PDE8B: variants seen among roughly 807,000 people sequenced by gnomAD.
The protein encoded by PDE8B is phosphodiesterase 8B.
Under a neutral mutation model 101.3 loss-of-function variants are expected in PDE8B, and 26 were observed. That is an observed-to-expected ratio of 0.26 (90% confidence interval 0.19 to 0.36). The LOEUF (loss-of-function observed/expected upper bound fraction) is 0.36, where lower values mean the gene tolerates loss of function less well. PDE8B is among the 10% of genes least tolerant of loss of function. The pLI is 1.00. For missense variants in PDE8B, 810 were observed against 1,163.1 expected (o/e 0.70, Z 4.42); for synonymous variants, 424 against 429.3 (o/e 0.99, Z 0.15).
At chr5:77,203,764 T>G in the PDE8B span, among the ~76,000 whole-genome samples, 8 of 152,298 alleles carry the variant, frequency 5.3e-5, no homozygotes, top group African/African-American at 1.9e-4. Context: ...TCTCAGTGCT[T>G]AGTTAGCATG....
At chr5:77,198,589 G>A in the PDE8B span, among the ~76,000 whole-genome samples, 3 of 152,098 alleles carry the variant, frequency 2.0e-5, no homozygotes, top group Non-Finnish European at 4.4e-5. Flanking sequence ...GAAAGCTGGG[G>A]TAGTCATATT....
intron 1 of PDE8B, among the ~76,000 whole-genome samples, chr5:77,262,518 G>A (rs1760830858): frequency 6.6e-6 from 1 of 152,168 alleles, no homozygotes; most frequent in African/African-American, 2.4e-5. Flanking sequence ...ACATACTGCT[G>A]TCACAAAAAT....
the PDE8B span, chr5:77,141,283 A>C: frequency 3.3e-5 from 5 of 152,368 alleles, no homozygotes; most frequent in East Asian, 9.6e-4. Context: ...TACTATAAAC[A>C]AGGTAGATTT....
the PDE8B span, among the ~76,000 whole-genome samples, chr5:77,129,140 T>C: frequency 6.6e-6 from 1 of 152,118 alleles, no homozygotes; most frequent in Non-Finnish European, 1.5e-5. Flanking sequence ...CCAACTAGTT[T>C]AGTAGTGAAA....
At chr5:77,191,219 A>G in the PDE8B span, among the ~76,000 whole-genome samples, 94 of 145,290 alleles carry the variant, frequency 6.5e-4, no homozygotes, top group African/African-American at 2.2e-3. Flanking sequence ...CCTATCTTCA[A>G]ATATAGTCAT....
intron 1 of PDE8B, among the ~76,000 whole-genome samples, chr5:77,270,670 G>A (rs937776560): frequency 1.3e-5 from 2 of 152,212 alleles, no homozygotes; most frequent in Non-Finnish European, 2.9e-5. Context: ...ACAGAAGATA[G>A]TGATTTTTCC....
At chr5:77,210,181 C>A (rs1174653568), upstream of PDE8B, among the ~76,000 whole-genome samples, 1 of 152,180 alleles carries the variant, frequency 6.6e-6, no homozygotes, top group Non-Finnish European at 1.5e-5. This position sits in a 1 kb window ranked among gnomAD's most constrained non-coding sequence, Gnocchi z 4.9. Context: ...CTTACACAGC[C>A]CTTCAGGGGA....
At chr5:77,351,982 C>T (rs1781219451) in intron 9 of PDE8B, among the ~76,000 whole-genome samples, 12 of 152,200 alleles carry the variant, frequency 7.9e-5, no homozygotes, top group Admixed American at 5.9e-4. Flanking sequence ...TAAAATCAGC[C>T]AGGTATTTGT....
chr5:77,153,304 G>C, the PDE8B span, among the ~76,000 whole-genome samples: 1 of 152,176 alleles, frequency 6.6e-6, no homozygotes, highest in Non-Finnish European at 1.5e-5. Flanking sequence ...CAAATATGCT[G>C]AACTTCCCAA....
At chr5:77,386,403 TG>T (rs1282819506) in intron 10 of PDE8B, among the ~76,000 whole-genome samples, 2 of 152,190 alleles carry the variant, frequency 1.3e-5, no homozygotes, top group Non-Finnish European at 2.9e-5. Context: ...TATTATTGTG[TG>T]GGAGTCTAAG....
chr5:77,350,993 T>A lies in PDE8B; in HGVS notation c.1018-72T>A, dbSNP rs1438308316. ...CATGTGGGAATGTTCCTTCTCAGCC[T>A]TCTGAGACCCTCTGCAGGAGCAGCT... On this transcript the variant is annotated intron_variant, in intron 8 of 21. Transcript: ENST00000264917. 3 of 1,077,940 alleles carry A rather than the reference T, an allele frequency of 2.8e-6. No homozygotes were observed. In the Admixed American group the frequency reaches 5.2e-5, roughly 19 times the overall value. 66.8% of individuals were successfully genotyped at this position (1,077,940 alleles called of 1,614,324 possible).
chr5:77,127,482 T>C, the PDE8B span, among the ~76,000 whole-genome samples: 71 of 152,304 alleles, frequency 4.7e-4, no homozygotes, highest in East Asian at 0.012. Flanking sequence ...TTAAACCTCT[T>C]TCTTTTATAA....
chr5:77,138,746 G>A, the PDE8B span, among the ~76,000 whole-genome samples: 23 of 151,892 alleles, frequency 1.5e-4, no homozygotes, highest in Non-Finnish European at 3.2e-4. Flanking sequence ...ATCCAGACTC[G>A]CCTTTTCTAC....
intron 1 of PDE8B, among the ~76,000 whole-genome samples, chr5:77,229,443 T>C (rs544878943): frequency 6.6e-6 from 1 of 152,324 alleles, no homozygotes; most frequent in South Asian, 2.1e-4. Flanking sequence ...AATGGAGATA[T>C]AATTAGAAAA....
At chr5:77,341,920 T>C (rs1779273374) in intron 6 of PDE8B, among the ~76,000 whole-genome samples, 1 of 152,214 alleles carries the variant, frequency 6.6e-6, no homozygotes, top group African/African-American at 2.4e-5. Context: ...CTGTAAGCCA[T>C]TTCAGTTGAG....
intron 1 of PDE8B, among the ~76,000 whole-genome samples, chr5:77,213,498 A>G (rs777929905): frequency 6.6e-6 from 1 of 152,244 alleles, no homozygotes; most frequent in Non-Finnish European, 1.5e-5. Context: ...CGTAAAGTTC[A>G]CATGTTCTGT....
At chr5:77,229,531 A>G (rs1291324585) in intron 1 of PDE8B, among the ~76,000 whole-genome samples, 2 of 152,218 alleles carry the variant, frequency 1.3e-5, no homozygotes, top group African/African-American at 2.4e-5. Flanking sequence ...ATTACTGCTA[A>G]TTCTAGATAA....
intron 1 of PDE8B, among the ~76,000 whole-genome samples, chr5:77,260,200 A>C (rs1760233654): frequency 6.6e-6 from 1 of 151,952 alleles, no homozygotes. Flanking sequence ...AAAAGAAAGA[A>C]AGCTATCACA....
chr5:77,126,906 A>G, the PDE8B span, among the ~76,000 whole-genome samples: 1 of 152,190 alleles, frequency 6.6e-6, no homozygotes, highest in African/African-American at 2.4e-5. Context: ...GCTCCAGTCC[A>G]GGCAAGTTGC....
Sources: allele counts gnomAD v4.1 joint callset (sites outside exome capture counted in the v4.1 genomes callset), GRCh38; gene constraint gnomAD v4.1.1; non-coding constraint Gnocchi (gnomAD v3.1); transcripts MANE v1.5; gene names NCBI Gene and HGNC (gene_info 2026-07-23, HGNC 2026-07-21).